The following SLC4A4 variants were observed in gnomAD, a reference collection of about 807,000 sequenced individuals.
SLC4A4 encodes the protein electrogenic sodium bicarbonate cotransporter 1.
SLC4A4 carries 27 observed loss-of-function variants against 111.5 expected under a neutral mutation model. That is an observed-to-expected ratio of 0.24 (90% CI 0.18 to 0.33). SLC4A4 has a LOEUF of 0.33. Among genes scored for constraint, SLC4A4 ranks in the 10% least tolerant of loss-of-function variants. SLC4A4 has a pLI of 1.00. For missense variants in SLC4A4, 909 were observed against 1,315.5 expected (o/e 0.69, Z 4.78); for synonymous variants, 443 against 463.4 (o/e 0.96, Z 0.57).
chr4:71,138,170 A>T (rs886286860), intron 2 of SLC4A4, among the ~76,000 whole-genome samples: 2 of 152,188 alleles, frequency 1.3e-5, no homozygotes, highest in African/African-American at 4.8e-5. Flanking sequence ...TTTATTCACT[A>T]CTTTGAATAA....
intron 1 of SLC4A4, among the ~76,000 whole-genome samples, chr4:71,078,240 A>G (rs993430522): frequency 6.6e-5 from 10 of 152,104 alleles, no homozygotes; most frequent in Non-Finnish European, 1.2e-4. Flanking sequence ...TTCATTATTT[A>G]TTTATTTGCC....
intron 1 of SLC4A4, among the ~76,000 whole-genome samples, chr4:71,234,629 T>A (rs1408183305): frequency 6.6e-6 from 1 of 152,152 alleles, no homozygotes; most frequent in African/African-American, 2.4e-5. Flanking sequence ...TTCACTGTGT[T>A]AGTCAGGCTT....
chr4:71,442,856 T>C (rs1244865476), intron 8 of SLC4A4, among the ~76,000 whole-genome samples: 1 of 151,952 alleles, frequency 6.6e-6, no homozygotes, highest in Non-Finnish European at 1.5e-5. Flanking sequence ...CCAATTTCAT[T>C]ATTTACTCTC....
rs190048419 is a variant in SLC4A4 at position 71,272,599 on chromosome 4, A to T, written c.253+17200A>T. Among the ~76,000 whole-genome samples, 4 of 152,304 alleles carry T rather than the reference A, an allele frequency of 2.6e-5. No homozygotes were observed. In the East Asian group the frequency reaches 7.7e-4, roughly 29 times the overall value. ...ACCATCTTGCCTCAGCACTGAGATG[A>T]CTGCAGGAGGACCTAGAGACAAGTT... On this transcript the variant is annotated intron_variant, in intron 3 of 25. Transcript: ENST00000264485.
At chr4:71,347,687 T>C (rs1198207190) in intron 4 of SLC4A4, among the ~76,000 whole-genome samples, 1 of 152,100 alleles carries the variant, frequency 6.6e-6, no homozygotes, top group Non-Finnish European at 1.5e-5. Flanking sequence ...TGTATATAAG[T>C]GAGGCTTAGT....
intron 3 of SLC4A4, among the ~76,000 whole-genome samples, chr4:71,296,240 G>A (rs560640458): frequency 2.1e-4 from 32 of 152,200 alleles, no homozygotes; most frequent in African/African-American, 7.5e-4. Context: ...GGAGCAGAAA[G>A]TGAAAGTCTC....
chr4:71,188,191 C>T (rs1378119616), intron 1 of SLC4A4, among the ~76,000 whole-genome samples: 2 of 152,314 alleles, frequency 1.3e-5, no homozygotes, highest in Admixed American at 1.3e-4. Context: ...CAGCAAACCG[C>T]AGCAAGCACC....
chr4:71,170,482 C>T (rs1744904416), intron 2 of SLC4A4, among the ~76,000 whole-genome samples: 1 of 152,214 alleles, frequency 6.6e-6, no homozygotes, highest in South Asian at 2.1e-4. Flanking sequence ...TGACTAGTCA[C>T]AGAAGAATTA....
intron 1 of SLC4A4, among the ~76,000 whole-genome samples, chr4:71,073,140 T>C (rs1031393069): frequency 6.6e-6 from 1 of 152,178 alleles, no homozygotes; most frequent in Non-Finnish European, 1.5e-5. Flanking sequence ...TATATTAACT[T>C]TGTAACCAGT....
At chr4:71,369,815 T>G (rs2148931214) in intron 6 of SLC4A4, among the ~76,000 whole-genome samples, 1 of 152,254 alleles carries the variant, frequency 6.6e-6, no homozygotes, top group Admixed American at 6.5e-5. Flanking sequence ...AGTAGAGTAT[T>G]AAGAGATGAA....
intron 2 of SLC4A4, among the ~76,000 whole-genome samples, chr4:71,248,381 C>G (rs1183029416): frequency 6.6e-6 from 1 of 150,380 alleles, no homozygotes; most frequent in African/African-American, 2.4e-5. Flanking sequence ...TATAATCTCT[C>G]TATAAAGATT....
At chr4:71,124,839 G>A (rs1037793098) in intron 2 of SLC4A4, among the ~76,000 whole-genome samples, 3 of 152,196 alleles carry the variant, frequency 2.0e-5, no homozygotes, top group African/African-American at 7.2e-5. Context: ...AGGCAAGAAT[G>A]TAGCCAAACT....
At chr4:71,469,737 T>G (rs1727693198) in intron 13 of SLC4A4, among the ~76,000 whole-genome samples, 1 of 152,028 alleles carries the variant, frequency 6.6e-6, no homozygotes, top group Non-Finnish European at 1.5e-5. Context: ...TTCTTGATGC[T>G]CTACACATAT....
At chr4:71,341,759 G>A (rs1166439720) in intron 4 of SLC4A4, among the ~76,000 whole-genome samples, 1 of 152,016 alleles carries the variant, frequency 6.6e-6, no homozygotes, top group Non-Finnish European at 1.5e-5. Flanking sequence ...TACTGGAGAA[G>A]CTTCATAAAT....
intron 1 of SLC4A4, among the ~76,000 whole-genome samples, chr4:71,209,331 A>G (rs549098102): frequency 1.8e-4 from 28 of 152,304 alleles, no homozygotes; most frequent in Middle Eastern, 3.4e-3. Flanking sequence ...ATTCCTCCCT[A>G]ATGTGTAACA....
At chr4:71,256,502 A>C (rs891480020) in intron 3 of SLC4A4, among the ~76,000 whole-genome samples, 2 of 152,182 alleles carry the variant, frequency 1.3e-5, no homozygotes, top group African/African-American at 4.8e-5. Context: ...TGGACCATCG[A>C]ATTAAAGACA....
At chr4:71,533,065 A>G (rs1403536244) in intron 17 of SLC4A4, among the ~76,000 whole-genome samples, 1 of 152,050 alleles carries the variant, frequency 6.6e-6, no homozygotes, top group African/African-American at 2.4e-5. Flanking sequence ...CCTTCCCTCC[A>G]CTACTGAGAT....
intron 2 of SLC4A4, among the ~76,000 whole-genome samples, chr4:71,162,225 C>T (rs913396038): frequency 4.6e-5 from 7 of 151,894 alleles, no homozygotes; most frequent in African/African-American, 1.7e-4. Flanking sequence ...CTAGTAATAC[C>T]GTCACTCCCA....
At chr4:71,454,722 T>G (rs1200223985) in intron 12 of SLC4A4, among the ~76,000 whole-genome samples, 2 of 152,160 alleles carry the variant, frequency 1.3e-5, no homozygotes, top group African/African-American at 4.8e-5. Flanking sequence ...TATTTTAGTT[T>G]GTCAAGTGCA....
Sources: gnomAD v4.1 joint callset for allele counts (sites outside exome capture counted in the v4.1 genomes callset) on GRCh38, gnomAD v4.1.1 for gene constraint, MANE v1.5 for transcripts, NCBI Gene and HGNC (gene_info 2026-07-23, HGNC 2026-07-21) for gene names.